Variants in LOC400499 observed in about 807,000 individuals in gnomAD.
chr16:11,382,971 G>C, the LOC400499 span, among the ~76,000 whole-genome samples: 3 of 152,142 alleles, frequency 2.0e-5, no homozygotes, highest in Admixed American at 2.0e-4. Flanking sequence ...TTTACAGGCT[G>C]TACAAGCACG....
At chr16:11,392,838 A>G in the LOC400499 span, 2 of 977,760 alleles carry the variant, frequency 2.0e-6, no homozygotes, top group Non-Finnish European at 2.4e-6. Flanking sequence ...CTACCCCACC[A>G]GGTTTTTTCG....
the LOC400499 span, chr16:11,469,350 T>G: frequency 7.5e-6 from 3 of 398,972 alleles, no homozygotes; most frequent in African/African-American, 6.2e-5. Flanking sequence ...TTCTTTAATC[T>G]CTGAGCCTAA....
chr16:11,423,057 C>T, the LOC400499 span: 1 of 398,346 alleles, frequency 2.5e-6, no homozygotes, highest in Non-Finnish European at 4.4e-6. Context: ...GTGAGTATCT[C>T]CTGGCAGCGA....
chr16:11,512,330 G>C, the LOC400499 span, among the ~76,000 whole-genome samples: 1 of 151,900 alleles, frequency 6.6e-6, no homozygotes, highest in Non-Finnish European at 1.5e-5. Context: ...CTGGCACGGT[G>C]GCTCACGCCT....
chr16:11,384,433 G>C, the LOC400499 span: 6 of 536,646 alleles, frequency 1.1e-5, no homozygotes, highest in Non-Finnish European at 1.7e-5. Flanking sequence ...GAAGCACACA[G>C]AGGAGCAGTA....
the LOC400499 span, among the ~76,000 whole-genome samples, chr16:11,517,795 G>T: frequency 3.9e-5 from 6 of 152,186 alleles, no homozygotes; most frequent in Non-Finnish European, 5.9e-5. Flanking sequence ...AAGTGAAGGG[G>T]TGGGAAGTGA....
chr16:11,479,865 C>T, the LOC400499 span, among the ~76,000 whole-genome samples: 6 of 151,994 alleles, frequency 3.9e-5, no homozygotes, highest in African/African-American at 1.5e-4. Context: ...AACCCCACTG[C>T]GTCTCGTTGC....
chr16:11,497,950 A>G, the LOC400499 span, among the ~76,000 whole-genome samples: 6 of 152,338 alleles, frequency 3.9e-5, no homozygotes, highest in South Asian at 1.2e-3. Flanking sequence ...ATTTTTAAAG[A>G]TGGAAAAATA....
the LOC400499 span, chr16:11,391,601 G>A: frequency 1.8e-5 from 22 of 1,209,724 alleles, no homozygotes; most frequent in East Asian, 3.2e-4. Flanking sequence ...AGCGCTTAGG[G>A]CCCCGGTGGA....
At chr16:11,456,317 G>C in the LOC400499 span, among the ~76,000 whole-genome samples, 2 of 152,190 alleles carry the variant, frequency 1.3e-5, no homozygotes, top group African/African-American at 4.8e-5. Context: ...TAAAGTACTA[G>C]GATTACAGGC....
the LOC400499 span, chr16:11,462,481 G>T: frequency 1.0e-5 from 10 of 972,194 alleles, no homozygotes; most frequent in Admixed American, 6.2e-4. Context: ...CCAAGCTGGA[G>T]TGCAGTGGTG....
At chr16:11,470,933 G>T in the LOC400499 span, among the ~76,000 whole-genome samples, 1 of 152,226 alleles carries the variant, frequency 6.6e-6, no homozygotes, top group Non-Finnish European at 1.5e-5. Flanking sequence ...AGGCCCTGGG[G>T]CAGGCATGTG....
chr16:11,520,664 C>CAAAAA, the LOC400499 span, among the ~76,000 whole-genome samples: 3 of 63,148 alleles, frequency 4.8e-5, no homozygotes. Flanking sequence ...GAGACTCCAT[C>CAAAAA]AAAAAAAAAA....
At chr16:11,469,608 T>C in the LOC400499 span, 1 of 398,972 alleles carries the variant, frequency 2.5e-6, no homozygotes, top group Non-Finnish European at 4.4e-6. Flanking sequence ...TCAGCACTTC[T>C]GACCCGGGCG....
At chr16:11,388,519 G>A in the LOC400499 span, among the ~76,000 whole-genome samples, 1 of 152,160 alleles carries the variant, frequency 6.6e-6, no homozygotes, top group African/African-American at 2.4e-5. Context: ...TCCCTGCTTG[G>A]AGCCCGGTTC....
At chr16:11,383,789 A>T in the LOC400499 span, 2 of 1,232,188 alleles carry the variant, frequency 1.6e-6, no homozygotes, top group East Asian at 6.3e-5. Flanking sequence ...TCTACCTGAA[A>T]TCAGGGACAC....
the LOC400499 span, among the ~76,000 whole-genome samples, chr16:11,415,531 G>C: frequency 6.6e-6 from 1 of 152,212 alleles, no homozygotes; most frequent in Non-Finnish European, 1.5e-5. Flanking sequence ...GGACATGCAG[G>C]TGGCCTCAGG....
chr16:11,393,555 C>T, the LOC400499 span: 230 of 1,232,396 alleles, frequency 1.9e-4, no homozygotes, highest in African/African-American at 1.5e-3. Context: ...CTTGGAGCCA[C>T]GAAGCTGGGA....
the LOC400499 span, among the ~76,000 whole-genome samples, chr16:11,518,351 T>C: frequency 6.6e-6 from 1 of 151,956 alleles, no homozygotes; most frequent in African/African-American, 2.4e-5. Flanking sequence ...CGAGGCCCTG[T>C]CAGGGAGGCC....
Sources: gnomAD v4.1 joint callset for allele counts (sites outside exome capture counted in the v4.1 genomes callset) on GRCh38, gnomAD v4.1.1 for gene constraint, MANE v1.5 for transcripts.